The following ZBTB20 variants were observed in gnomAD, a reference collection of about 807,000 sequenced individuals.
The protein encoded by ZBTB20 is zinc finger and BTB domain-containing protein 20.
A neutral mutation model predicts 56.9 loss-of-function variants in ZBTB20; 9 were observed. The ratio of observed to expected loss-of-function variants is 0.16; its 90% confidence interval spans 0.10 to 0.28. The LOEUF is 0.28. Ranked by LOEUF, ZBTB20 falls within the 10% of genes least tolerant of loss-of-function variation. The pLI, the probability that ZBTB20 is intolerant of heterozygous loss-of-function variation, is 1.00. For synonymous variants in ZBTB20, 417 were observed against 420.7 expected (o/e 0.99, Z 0.11); for missense variants, 655 against 1,003.0 (o/e 0.65, Z 4.69).
intron 5 of ZBTB20, among the ~76,000 whole-genome samples, chr3:114,729,255 T>A (rs1385624427): frequency 6.6e-6 from 1 of 152,160 alleles, no homozygotes; most frequent in Non-Finnish European, 1.5e-5. Flanking sequence ...AGTCTCAGCT[T>A]AAACTATTAG....
intron 6 of ZBTB20, among the ~76,000 whole-genome samples, chr3:114,553,361 T>G (rs1449163147): frequency 1.3e-5 from 2 of 152,180 alleles, no homozygotes; most frequent in African/African-American, 4.8e-5. Flanking sequence ...TAACTTCCAC[T>G]CCATGAACAC....
chr3:114,618,326 T>G (rs1268477989), intron 6 of ZBTB20, among the ~76,000 whole-genome samples: 1 of 147,854 alleles, frequency 6.8e-6, no homozygotes, highest in Non-Finnish European at 1.5e-5. Flanking sequence ...CATAGCTCAA[T>G]GCAAGCTCAA....
At chr3:114,368,179 C>A (rs1234142435) in intron 10 of ZBTB20, among the ~76,000 whole-genome samples, 1 of 151,976 alleles carries the variant, frequency 6.6e-6, no homozygotes, top group Non-Finnish European at 1.5e-5. Context: ...TATTTTTATT[C>A]TCATTATGCA....
chr3:114,413,296 C>T (rs1021756422), intron 7 of ZBTB20, among the ~76,000 whole-genome samples: 2 of 152,240 alleles, frequency 1.3e-5, no homozygotes, highest in Admixed American at 6.5e-5. Context: ...AACTGGAAGT[C>T]ATCTTACTAC....
At chr3:114,616,180 C>T (rs2057928575) in intron 6 of ZBTB20, among the ~76,000 whole-genome samples, 1 of 152,160 alleles carries the variant, frequency 6.6e-6, no homozygotes, top group South Asian at 2.1e-4. Context: ...TTCAATTCTA[C>T]CATAATTTAC....
intron 6 of ZBTB20, among the ~76,000 whole-genome samples, chr3:114,680,280 ATAACT>A (rs2061890494): frequency 6.6e-6 from 1 of 152,212 alleles, no homozygotes; most frequent in South Asian, 2.1e-4. Context: ...AACTTAAAGT[ATAACT>A]TAAAAGTTTT....
At chr3:114,393,027 T>C (rs1238243964) in intron 7 of ZBTB20, among the ~76,000 whole-genome samples, 1 of 152,236 alleles carries the variant, frequency 6.6e-6, no homozygotes, top group Non-Finnish European at 1.5e-5. Context: ...CTTGACTCAC[T>C]GTTACTCACC....
chr3:114,453,365 A>T (rs2091759652), intron 7 of ZBTB20, among the ~76,000 whole-genome samples: 1 of 152,168 alleles, frequency 6.6e-6, no homozygotes, highest in Non-Finnish European at 1.5e-5. Flanking sequence ...CTGCTCCCTT[A>T]CTACCTTTTC....
At chr3:114,526,615 CA>C (rs1417060689) in intron 6 of ZBTB20, among the ~76,000 whole-genome samples, 3 of 152,176 alleles carry the variant, frequency 2.0e-5, no homozygotes, top group Non-Finnish European at 4.4e-5. Flanking sequence ...AATAGAAACA[CA>C]GAAACAAAAC....
rs767063281 is a variant in ZBTB20, at chr3:114,351,070, A to G, written c.1008T>C (p.Asp336=). Reference sequence around the variant, plus strand: ...CCCTTTGCTGCCCGTAGTAGTCGTAATCGTCCTCCATCTCCTGCTTGATGT... The same window carrying G: ...CCCTTTGCTGCCCGTAGTAGTCGTAGTCGTCCTCCATCTCCTGCTTGATGT... ...NIHIKQEMED[D]YDYYGQQRVQ... is the part of the protein sequence containing the mutation. The change falls in exon 11 of 12, where the codon GAT becomes GAC. Residue 336 remains aspartate (D), a synonymous_variant. Coordinates refer to ENST00000675478, the MANE Select transcript of ZBTB20 (RefSeq NM_001348800.3). 5.6e-6 allele frequency: 9 copies of G among 1,609,108 alleles called. No individual in the cohort carries two copies. Among genetic ancestry groups the G allele is most frequent in the Non-Finnish European group, 7.6e-6 (9 of 1,179,590 alleles).
chr3:114,387,088 T>C (rs2085230569), intron 8 of ZBTB20, among the ~76,000 whole-genome samples: 1 of 152,094 alleles, frequency 6.6e-6, no homozygotes, highest in South Asian at 2.1e-4. Context: ...ATATATATCA[T>C]CTCATTGACT....
chr3:114,906,422 G>A (rs2075319593), intron 3 of ZBTB20, among the ~76,000 whole-genome samples: 1 of 151,522 alleles, frequency 6.6e-6, no homozygotes, highest in South Asian at 2.1e-4. Flanking sequence ...AAAAAGCAAT[G>A]GAATCACAAC....
At chr3:115,124,061 T>C (rs2084255028) in intron 1 of ZBTB20, among the ~76,000 whole-genome samples, 2 of 152,220 alleles carry the variant, frequency 1.3e-5, no homozygotes, top group Admixed American at 1.3e-4. Flanking sequence ...AGTTAAAATA[T>C]GTTAAGCACT....
At chr3:114,643,127 C>G (rs895148466) in intron 6 of ZBTB20, among the ~76,000 whole-genome samples, 1 of 152,040 alleles carries the variant, frequency 6.6e-6, no homozygotes, top group African/African-American at 2.4e-5. Flanking sequence ...CTTCACTGTT[C>G]AGAAAAGGGG....
intron 2 of ZBTB20, among the ~76,000 whole-genome samples, chr3:115,035,724 T>C (rs905933421): frequency 6.6e-5 from 10 of 152,158 alleles, no homozygotes; most frequent in Middle Eastern, 3.2e-3. Context: ...TCAAAAGAAC[T>C]GACAGCAGGG....
chr3:114,447,538 C>A (rs1037068218), intron 7 of ZBTB20, among the ~76,000 whole-genome samples: 1 of 152,202 alleles, frequency 6.6e-6, no homozygotes, highest in Non-Finnish European at 1.5e-5. Flanking sequence ...CCACCCCACC[C>A]TAGTGCTCCC....
intron 4 of ZBTB20, among the ~76,000 whole-genome samples, chr3:114,895,335 TG>T (rs1423435703): frequency 6.6e-6 from 1 of 152,194 alleles, no homozygotes; most frequent in Non-Finnish European, 1.5e-5. Flanking sequence ...TCATCAAGCA[TG>T]GGTTCTTCAT....
chr3:114,830,531 T>G (rs946179862), intron 4 of ZBTB20, among the ~76,000 whole-genome samples: 2 of 151,672 alleles, frequency 1.3e-5, no homozygotes, highest in Admixed American at 1.3e-4. Context: ...CCTGAAAAAT[T>G]TAATATACCC....
intron 2 of ZBTB20, among the ~76,000 whole-genome samples, chr3:115,027,042 A>G (rs571505374): frequency 1.3e-4 from 20 of 151,030 alleles, no homozygotes; most frequent in African/African-American, 4.8e-4. Flanking sequence ...ACTGCATAAT[A>G]TCCTATAGTA....
Sources: allele counts gnomAD v4.1 joint callset (sites outside exome capture counted in the v4.1 genomes callset), GRCh38; gene constraint gnomAD v4.1.1; transcripts MANE v1.5; gene names NCBI Gene and HGNC (gene_info 2026-07-23, HGNC 2026-07-21).